FGD4: variants seen among roughly 807,000 people sequenced by gnomAD.
FGD4 encodes the protein FYVE, RhoGEF and PH domain-containing protein 4.
A neutral mutation model predicts 102.0 loss-of-function variants in FGD4; 42 were observed. The ratio of observed to expected loss-of-function variants is 0.41; its 90% CI spans 0.32 to 0.53. The LOEUF (loss-of-function observed/expected upper bound fraction) is 0.53. Among genes scored for constraint, FGD4 ranks in the 20% least tolerant of loss-of-function variants. The pLI is 0.21. For missense variants in FGD4, 902 were observed against 1,078.2 expected (o/e 0.84, Z 2.29); for synonymous variants, 380 against 375.7 (o/e 1.01, Z -0.13).
intron 4 of FGD4, among the ~76,000 whole-genome samples, chr12:32,594,858 C>T (rs772746722): frequency 1.6e-4 from 24 of 152,094 alleles, no homozygotes; most frequent in Non-Finnish European, 2.5e-4. Context: ...GGTGAAACCC[C>T]GTCTCTACTA....
chr12:32,595,197 G>T (rs7306314), intron 4 of FGD4, among the ~76,000 whole-genome samples: 58,710 of 151,568 alleles, frequency 0.39, 12,366 homozygotes, highest in African/African-American at 0.56. Flanking sequence ...CTTATTACAG[G>T]ATGGAAAGTC....
chr12:32,526,421 A>G (rs979546235), intron 1 of FGD4, among the ~76,000 whole-genome samples: 13 of 152,182 alleles, frequency 8.5e-5, no homozygotes, highest in East Asian at 1.9e-4. Flanking sequence ...TAGCTGCTCT[A>G]GTGGGGCCTT....
intron 1 of FGD4, among the ~76,000 whole-genome samples, chr12:32,537,260 A>C (rs577457652): frequency 3.9e-5 from 6 of 152,292 alleles, no homozygotes; most frequent in Middle Eastern, 3.4e-3. Flanking sequence ...GTCTTCCTTG[A>C]GTCATTTTTC....
At chr12:32,414,740 G>A (rs1447721694) in intron 1 of FGD4, among the ~76,000 whole-genome samples, 1 of 152,088 alleles carries the variant, frequency 6.6e-6, no homozygotes, top group Non-Finnish European at 1.5e-5. Context: ...CATCCATGCT[G>A]TTGCAAATGA....
chr12:32,583,338 A>G (rs564143957), intron 4 of FGD4, among the ~76,000 whole-genome samples: 9 of 152,278 alleles, frequency 5.9e-5, no homozygotes, highest in African/African-American at 2.2e-4. Flanking sequence ...CCCTGTCTCA[A>G]AAAACAAGGA....
At chr12:32,581,747 G>T (rs1002076047) in intron 3 of FGD4, among the ~76,000 whole-genome samples, 43 of 152,082 alleles carry the variant, frequency 2.8e-4, no homozygotes, top group African/African-American at 9.7e-4. Flanking sequence ...TAGACTCGGG[G>T]TCATCTTCTT....
chr12:32,613,112 G>A (rs1021791561), intron 10 of FGD4, among the ~76,000 whole-genome samples: 4 of 152,128 alleles, frequency 2.6e-5, no homozygotes, highest in African/African-American at 9.7e-5. Flanking sequence ...CAGACACATG[G>A]GTGAAAAGGC....
chr12:32,498,052 G>A (rs1937929488), intron 1 of FGD4, among the ~76,000 whole-genome samples: 2 of 152,160 alleles, frequency 1.3e-5, no homozygotes, highest in South Asian at 2.1e-4. Flanking sequence ...TAAATGGCTT[G>A]CCTGTGTCAT....
At chr12:32,541,836 A>T (rs1942858446) in intron 1 of FGD4, among the ~76,000 whole-genome samples, 1 of 152,168 alleles carries the variant, frequency 6.6e-6, no homozygotes, top group African/African-American at 2.4e-5. Flanking sequence ...ATGTCAGTAG[A>T]GCAGTAAAAA....
intron 1 of FGD4, among the ~76,000 whole-genome samples, chr12:32,530,535 G>C (rs1017118551): frequency 1.3e-5 from 2 of 152,160 alleles, no homozygotes; most frequent in African/African-American, 4.8e-5. Context: ...CTTATTCAGT[G>C]CAATGTGTAT....
chr12:32,523,550 T>A (rs544209436), intron 1 of FGD4, among the ~76,000 whole-genome samples: 1 of 152,342 alleles, frequency 6.6e-6, no homozygotes, highest in African/African-American at 2.4e-5. Context: ...TAAAGGACTC[T>A]AAAATGCTAC....
rs970969306 is a variant in FGD4, at chr12:32,604,037, C to T, written c.1404+1720C>T. On this transcript the variant is annotated intron_variant, in intron 7 of 16. Coordinates refer to ENST00000534526, the MANE Select transcript of FGD4 (RefSeq NM_001370298.3). Reference sequence around the variant, plus strand: ...TTGAATATGTCATTCTCCTGCTTTCCGTCCTCTGTGGTTTGAGATGAGAAG... The same window carrying T: ...TTGAATATGTCATTCTCCTGCTTTCTGTCCTCTGTGGTTTGAGATGAGAAG... Among the ~76,000 whole-genome samples, 6 of 152,170 alleles carry T rather than the reference C, an allele frequency of 3.9e-5. No homozygotes were observed. In the East Asian group the frequency reaches 7.7e-4, roughly 20 times the overall value.
intron 4 of FGD4, among the ~76,000 whole-genome samples, chr12:32,585,036 C>T (rs1039354476): frequency 1.3e-5 from 2 of 151,460 alleles, no homozygotes; most frequent in East Asian, 2.0e-4. Context: ...ACCTGAGCAA[C>T]GTGGCAAAAC....
chr12:32,515,316 G>C (rs1939781056), intron 1 of FGD4, among the ~76,000 whole-genome samples: 1 of 152,184 alleles, frequency 6.6e-6, no homozygotes, highest in Admixed American at 6.5e-5. Flanking sequence ...TTCTTGTCCA[G>C]ATTTCTCTGA....
intron 1 of FGD4, among the ~76,000 whole-genome samples, chr12:32,505,063 G>C (rs1938573921): frequency 6.6e-6 from 1 of 152,128 alleles, no homozygotes; most frequent in Admixed American, 6.5e-5. Flanking sequence ...TGGTCCATTT[G>C]GCCCTTGAGC....
chr12:32,484,095 T>C (rs531936546), intron 1 of FGD4, among the ~76,000 whole-genome samples: 1 of 152,272 alleles, frequency 6.6e-6, no homozygotes, highest in East Asian at 1.9e-4. Flanking sequence ...AAAAAATCCG[T>C]TGGGAGCTCT....
chr12:32,589,926 A>G (rs4931018), intron 4 of FGD4, among the ~76,000 whole-genome samples: 43,905 of 152,078 alleles, frequency 0.29, 6,664 homozygotes, highest in Middle Eastern at 0.49. Flanking sequence ...ATTGGTGGTA[A>G]GTCACAAGTA....
At chr12:32,486,733 GTTGAC>G (rs1374824356) in intron 1 of FGD4, among the ~76,000 whole-genome samples, 1 of 152,154 alleles carries the variant, frequency 6.6e-6, no homozygotes, top group African/African-American at 2.4e-5. Flanking sequence ...CTGAAGTATA[GTTGAC>G]TTGACTAGGT....
chr12:32,447,079 T>C (rs963665288), intron 1 of FGD4, among the ~76,000 whole-genome samples: 1 of 152,074 alleles, frequency 6.6e-6, no homozygotes, highest in African/African-American at 2.4e-5. Context: ...CCCCCCAAAA[T>C]AAATCATATA....
Sources: gnomAD v4.1 joint callset for allele counts (sites outside exome capture counted in the v4.1 genomes callset) on GRCh38, gnomAD v4.1.1 for gene constraint, MANE v1.5 for transcripts, NCBI Gene and HGNC (gene_info 2026-07-23, HGNC 2026-07-21) for gene names.